The following DNMBP variants were observed in gnomAD, a reference collection of about 807,000 sequenced individuals.
The protein encoded by DNMBP is dynamin-binding protein.
In DNMBP, 87 loss-of-function variants were observed where a neutral mutation model predicts 150.0. That is an observed-to-expected ratio of 0.58 (90% confidence interval 0.49 to 0.69). The LOEUF is 0.69. Among genes scored for constraint, DNMBP ranks in the 30% least tolerant of loss-of-function variants. DNMBP has a pLI of 0.00. For synonymous variants in DNMBP, 711 were observed against 750.4 expected (o/e 0.95, Z 0.86); for missense variants, 1,774 against 1,949.0 (o/e 0.91, Z 1.69).
At chr10:99,966,717 G>A (rs759287580) in intron 3 of DNMBP, among the ~76,000 whole-genome samples, 5 of 152,174 alleles carry the variant, frequency 3.3e-5, no homozygotes, top group Non-Finnish European at 5.9e-5. Flanking sequence ...TAGAGACTGA[G>A]TATAAAGTGA....
At chr10:99,946,540 T>C (rs1190684924) in intron 4 of DNMBP, among the ~76,000 whole-genome samples, 4 of 152,196 alleles carry the variant, frequency 2.6e-5, no homozygotes, top group African/African-American at 9.7e-5. Context: ...TAAATGGTAC[T>C]GGAAAAACTA....
At chr10:99,911,666 A>T (rs1318377814) in intron 4 of DNMBP, among the ~76,000 whole-genome samples, 2 of 152,208 alleles carry the variant, frequency 1.3e-5, no homozygotes, top group Non-Finnish European at 2.9e-5. Context: ...TGTATACAGG[A>T]GTTTTCATTG....
chr10:99,953,058 G>A (rs756029876), intron 4 of DNMBP, among the ~76,000 whole-genome samples: 3 of 152,086 alleles, frequency 2.0e-5, no homozygotes, highest in Non-Finnish European at 4.4e-5. Context: ...CCTACCTCTT[G>A]TACTCTTCCT....
intron 4 of DNMBP, chr10:99,928,272 G>A (rs1043608428): frequency 6.6e-6 from 1 of 152,196 alleles, no homozygotes; most frequent in African/African-American, 2.4e-5. Context: ...GACCATAGCA[G>A]GCTTATCTTT....
rs531759251 is a variant in DNMBP, at chr10:99,943,417, A to G, written c.2260+11797T>C. Among the ~76,000 whole-genome samples the G allele has an allele frequency of 2.6e-5, 4 of 151,908 alleles. No individual in the cohort carries two copies. In the East Asian group the frequency reaches 5.8e-4, roughly 22 times the overall value. ...GTTTGTTTGTTTGTTTGTTTTTTTGAGACAGTTTCACTCTGTCACCCAGGT... is the reference window on the plus strand; with the variant it reads ...GTTTGTTTGTTTGTTTGTTTTTTTGGGACAGTTTCACTCTGTCACCCAGGT... On this transcript the variant is annotated intron_variant, in intron 4 of 16. Coordinates refer to ENST00000324109, the MANE Select transcript of DNMBP (RefSeq NM_015221.4).
In DNMBP at chr10:99,991,357, G is replaced by A. The variant is rs148448146; in HGVS notation, c.-11+18481C>T. Among the ~76,000 whole-genome samples the A allele has an allele frequency of 3.7e-3, 557 of 152,002 alleles. 3 individuals carry two copies. Among genetic ancestry groups the A allele is most frequent in the African/African-American group, 0.013 (531 of 41,492 alleles). ...CTCCCAAAGTGCTGGGATTACAGGCGTGAGCCACCGCGGCCGGTCTGAGAA... is the reference window on the plus strand; with the variant it reads ...CTCCCAAAGTGCTGGGATTACAGGCATGAGCCACCGCGGCCGGTCTGAGAA... On this transcript the variant is annotated intron_variant, in intron 1 of 16. Transcript: ENST00000324109.
chr10:99,887,806 A>G lies in DNMBP; in HGVS notation c.3285+1019T>C, dbSNP rs2039493533. Among the ~76,000 whole-genome samples, 3 of 152,092 alleles carry G rather than the reference A, an allele frequency of 2.0e-5. No homozygotes were observed. The South Asian group carries it at 6.2e-4, about 32-fold the overall frequency. ...ATATATGGATTTAGAATTTCTCAAGAAATTTGGTCTTCAGTACTTCAAGCA... is the reference window on the plus strand; with the variant it reads ...ATATATGGATTTAGAATTTCTCAAGGAATTTGGTCTTCAGTACTTCAAGCA... On this transcript the variant is annotated intron_variant, in intron 12 of 16. Coordinates refer to ENST00000324109, the MANE Select transcript of DNMBP (RefSeq NM_015221.4).
In DNMBP at chr10:99,919,763, G is replaced by A. The variant is rs542240282; in HGVS notation, c.2261-10617C>T. ...GATGGTGCCACGGCACTACAGCTTG[G>A]GCGACAGAGGAAGACTCCATCTGGG... On this transcript the variant is annotated intron_variant, in intron 4 of 16. Coordinates refer to ENST00000324109, the MANE Select transcript of DNMBP (RefSeq NM_015221.4). Among the ~76,000 whole-genome samples the A allele has an allele frequency of 3.3e-5, 5 of 152,356 alleles. No individual in the cohort carries two copies. In the South Asian group the frequency reaches 1.0e-3, roughly 32 times the overall value.
chr10:99,949,891 T>C (rs921109251), intron 4 of DNMBP, among the ~76,000 whole-genome samples: 1 of 152,222 alleles, frequency 6.6e-6, no homozygotes, highest in Admixed American at 6.5e-5. Context: ...GCAGTGTTCT[T>C]AAGCACAGAA....
chr10:99,929,872 C>T, intron 4 of DNMBP: 1 of 702,948 alleles, frequency 1.4e-6, no homozygotes, highest in South Asian at 1.5e-5. Flanking sequence ...ATGTCAGTGC[C>T]ATTATACTCC....
At chr10:99,922,021 T>C (rs2040028334) in intron 4 of DNMBP, among the ~76,000 whole-genome samples, 1 of 151,962 alleles carries the variant, frequency 6.6e-6, no homozygotes, top group East Asian at 1.9e-4. Context: ...AAGAAAGGGG[T>C]GTCTGACACT....
intron 1 of DNMBP, among the ~76,000 whole-genome samples, chr10:100,000,434 T>C (rs530476809): frequency 6.6e-6 from 1 of 152,246 alleles, no homozygotes; most frequent in African/African-American, 2.4e-5. Flanking sequence ...AGTCCATGTG[T>C]TTGTCAGCAA....
At chr10:99,964,140 T>C (rs1421772088) in intron 3 of DNMBP, among the ~76,000 whole-genome samples, 5 of 141,314 alleles carry the variant, frequency 3.5e-5, no homozygotes, top group Non-Finnish European at 6.2e-5. Context: ...TCTCTCTTTT[T>C]TTTTTTTTTT....
chr10:99,908,340 C>T (rs932518999), intron 5 of DNMBP, among the ~76,000 whole-genome samples: 3 of 152,208 alleles, frequency 2.0e-5, no homozygotes, highest in Admixed American at 1.3e-4. Context: ...ACCAATTTGG[C>T]CTACAAATGC....
At chr10:99,894,337 T>TAGAG (rs1481391049) in intron 11 of DNMBP, among the ~76,000 whole-genome samples, 1 of 152,106 alleles carries the variant, frequency 6.6e-6, no homozygotes, top group East Asian at 1.9e-4. Flanking sequence ...ATAGAGAAAT[T>TAGAG]AGAGACAAGA....
In DNMBP at chr10:99,895,233, T is replaced by G. The variant is rs149501066; in HGVS notation, c.3052-183A>C. ...CCTCCGCCTCCTGGATTCAAGCAATTCTCCTGCGTCAGCCTCTCGCATAGC... is the reference window on the plus strand; with the variant it reads ...CCTCCGCCTCCTGGATTCAAGCAATGCTCCTGCGTCAGCCTCTCGCATAGC... On this transcript the variant is annotated intron_variant, in intron 10 of 16. Coordinates refer to ENST00000324109, the MANE Select transcript of DNMBP (RefSeq NM_015221.4). 2.4e-3 allele frequency among the ~76,000 whole-genome samples: 358 copies of G among 151,668 alleles called. 1 individual carries two copies. The highest frequency in any genetic ancestry group is 6.8e-3 in the Middle Eastern group (2 of 294).
chr10:99,898,868 T>C, intron 7 of DNMBP, 108 bp from the exon 8 acceptor site: 1 of 1,094,592 alleles, frequency 9.1e-7, no homozygotes, highest in Non-Finnish European at 1.4e-6. Context: ...AAATTATGAA[T>C]GTTTATGGTA....
At chr10:99,997,720 A>G (rs7917150) in intron 1 of DNMBP, among the ~76,000 whole-genome samples, 69,673 of 151,320 alleles carry the variant, frequency 0.46, 16,832 homozygotes, top group African/African-American at 0.61. Flanking sequence ...GCTGAGGCAG[A>G]TGGATCACTT....
chr10:99,964,006 G>A (rs1029748723), intron 3 of DNMBP, among the ~76,000 whole-genome samples: 3 of 152,038 alleles, frequency 2.0e-5, no homozygotes, highest in Non-Finnish European at 4.4e-5. Context: ...TGTTTGAGGG[G>A]GCAGGTTATA....
Sources: allele counts gnomAD v4.1 joint callset (sites outside exome capture counted in the v4.1 genomes callset), GRCh38; gene constraint gnomAD v4.1.1; transcripts MANE v1.5; gene names NCBI Gene and HGNC (gene_info 2026-07-23, HGNC 2026-07-21).